The following IPO11 variants were observed in gnomAD, a reference collection of about 807,000 sequenced individuals.
IPO11 encodes importin 11.
A neutral mutation model predicts 143.2 loss-of-function variants in IPO11; 66 were observed. That is an observed-to-expected ratio of 0.46 (90% CI 0.38 to 0.57). The LOEUF (loss-of-function observed/expected upper bound fraction) is 0.57, where lower values mean the gene tolerates loss of function less well. IPO11 is among the 20% of genes least tolerant of loss of function. The pLI, the probability that IPO11 is intolerant of heterozygous loss-of-function variation, is 0.00. For synonymous variants in IPO11, 385 were observed against 377.8 expected (o/e 1.02, Z -0.22); for missense variants, 1,026 against 1,141.0 (o/e 0.90, Z 1.45).
chr5:62,510,466 A>G (rs1741707221), intron 19 of IPO11, among the ~76,000 whole-genome samples: 1 of 152,010 alleles, frequency 6.6e-6, no homozygotes, highest in South Asian at 2.1e-4. Context: ...ACATCATGAT[A>G]CTCTCCAGAA....
At chr5:62,534,462 A>G (rs1340803559) in intron 22 of IPO11, among the ~76,000 whole-genome samples, 1 of 152,226 alleles carries the variant, frequency 6.6e-6, no homozygotes, top group Non-Finnish European at 1.5e-5. Flanking sequence ...TAAAATACAA[A>G]TTAAATATAG....
intron 3 of IPO11, among the ~76,000 whole-genome samples, chr5:62,447,293 T>TG (rs1320720672): frequency 6.6e-6 from 1 of 151,978 alleles, no homozygotes; most frequent in Non-Finnish European, 1.5e-5. Context: ...TTTGTAGAGA[T>TG]GGGGTCTTGC....
At chr5:62,559,152 G>A (rs1402468714) in intron 26 of IPO11, among the ~76,000 whole-genome samples, 1 of 152,154 alleles carries the variant, frequency 6.6e-6, no homozygotes, top group East Asian at 1.9e-4. Context: ...GTTGCTGTAG[G>A]TGTGGGTGGC....
chr5:62,435,334 C>T (rs1744180777), intron 1 of IPO11, among the ~76,000 whole-genome samples: 1 of 150,550 alleles, frequency 6.6e-6, no homozygotes. Flanking sequence ...GATGCCATGG[C>T]TCATGCCTGT....
chr5:62,546,068 T>TA (rs1474805512), intron 24 of IPO11, among the ~76,000 whole-genome samples: 1 of 152,182 alleles, frequency 6.6e-6, no homozygotes, highest in Non-Finnish European at 1.5e-5. Context: ...GAACTAGAAA[T>TA]ACCATTTGGC....
At chr5:62,561,372 T>A in intron 27 of IPO11, 115 bp downstream of exon 27, 1 of 468,446 alleles carries the variant, frequency 2.1e-6, no homozygotes, top group Non-Finnish European at 3.4e-6. Context: ...TATATATGGA[T>A]GTGAATTTTG....
At chr5:62,598,557 T>TC (rs1745373114) in intron 28 of IPO11, among the ~76,000 whole-genome samples, 1 of 29,428 alleles carries the variant, frequency 3.4e-5, no homozygotes, top group Non-Finnish European at 5.1e-5. Flanking sequence ...TTCTTTCTTT[T>TC]TTTTTTTTAT....
At chr5:62,614,652 C>G (rs950380266) in intron 29 of IPO11, among the ~76,000 whole-genome samples, 1 of 152,206 alleles carries the variant, frequency 6.6e-6, no homozygotes, top group Non-Finnish European at 1.5e-5. Flanking sequence ...CCCCTGGGCT[C>G]CAGCCCCATG....
intron 27 of IPO11, among the ~76,000 whole-genome samples, chr5:62,585,635 G>C (rs1175915705): frequency 6.6e-6 from 1 of 152,236 alleles, no homozygotes; most frequent in East Asian, 1.9e-4. Flanking sequence ...TTGCTTTAAA[G>C]CAAGGAAAAG....
intron 19 of IPO11, among the ~76,000 whole-genome samples, chr5:62,512,811 A>G (rs1295493954): frequency 2.0e-5 from 3 of 149,020 alleles, no homozygotes; most frequent in Admixed American, 6.7e-5. Context: ...GCCTTCAAGC[A>G]TCTGTTTAAC....
intron 9 of IPO11, among the ~76,000 whole-genome samples, chr5:62,480,751 A>G (rs931107214): frequency 6.6e-6 from 1 of 151,998 alleles, no homozygotes; most frequent in Non-Finnish European, 1.5e-5. Flanking sequence ...TTACTGATGT[A>G]TAGGAATGCT....
At chr5:62,577,488 A>T (rs1744358357) in intron 27 of IPO11, among the ~76,000 whole-genome samples, 1 of 152,118 alleles carries the variant, frequency 6.6e-6, no homozygotes, top group Admixed American at 6.6e-5. Context: ...TTCCCAAGAA[A>T]TTGAAAAATC....
intron 1 of IPO11, among the ~76,000 whole-genome samples, chr5:62,416,629 A>G (rs536520486): frequency 6.6e-6 from 1 of 152,172 alleles, no homozygotes; most frequent in Non-Finnish European, 1.5e-5. Flanking sequence ...TTTAAGGAAC[A>G]CAGTTCAATC....
chr5:62,568,131 A>C (rs887091044), intron 27 of IPO11, among the ~76,000 whole-genome samples: 2 of 150,980 alleles, frequency 1.3e-5, no homozygotes, highest in African/African-American at 4.9e-5. Flanking sequence ...ACACCTGGCT[A>C]ATTTTTGTAT....
intron 19 of IPO11, among the ~76,000 whole-genome samples, chr5:62,508,167 C>A (rs541355484): frequency 1.3e-5 from 2 of 152,144 alleles, no homozygotes; most frequent in Non-Finnish European, 2.9e-5. Flanking sequence ...TGCTCTCCCC[C>A]CCGGGCTGGA....
intron 10 of IPO11, among the ~76,000 whole-genome samples, chr5:62,483,744 A>G (rs1350589142): frequency 6.6e-6 from 1 of 152,138 alleles, no homozygotes; most frequent in Non-Finnish European, 1.5e-5. Flanking sequence ...CACACCCCCC[A>G]CACCCTCTAC....
At chr5:62,583,519 T>C (rs1422352951) in intron 27 of IPO11, among the ~76,000 whole-genome samples, 9 of 152,204 alleles carry the variant, frequency 5.9e-5, no homozygotes, top group Non-Finnish European at 1.3e-4. Context: ...TATATTAATA[T>C]CAATTTATAT....
intron 28 of IPO11, among the ~76,000 whole-genome samples, chr5:62,596,380 C>G (rs1328561237): frequency 1.3e-5 from 2 of 151,128 alleles, no homozygotes; most frequent in African/African-American, 4.9e-5. Context: ...CAAAACATAC[C>G]AAGTATAAAG....
intron 20 of IPO11, among the ~76,000 whole-genome samples, chr5:62,525,367 TTTGTG>T (rs1561348617): frequency 1.3e-5 from 2 of 148,192 alleles, no homozygotes; most frequent in African/African-American, 5.0e-5. Context: ...TTTTTTTTTT[TTTGTG>T]TGTGTGTGTG....
Sources: allele counts gnomAD v4.1 joint callset (sites outside exome capture counted in the v4.1 genomes callset), GRCh38; gene constraint gnomAD v4.1.1; transcripts MANE v1.5; gene names NCBI Gene and HGNC (gene_info 2026-07-23, HGNC 2026-07-21).